Variants in NPAS3 observed in about 807,000 individuals in gnomAD.
NPAS3 encodes neuronal PAS domain-containing protein 3.
A neutral mutation model predicts 73.1 loss-of-function variants in NPAS3; 14 were observed. The observed-to-expected ratio is 0.19, with a 90% confidence interval of 0.13 to 0.30. The LOEUF is 0.30. Ranked by LOEUF, NPAS3 falls within the 10% of genes least tolerant of loss-of-function variation. The pLI is 1.00. For synonymous variants in NPAS3, 620 were observed against 541.5 expected (o/e 1.14, Z -2.01); for missense variants, 1,096 against 1,250.0 (o/e 0.88, Z 1.86).
At chr14:33,227,815 A>T (rs1331089637) in intron 3 of NPAS3, among the ~76,000 whole-genome samples, 2 of 152,230 alleles carry the variant, frequency 1.3e-5, no homozygotes, top group African/African-American at 4.8e-5. Flanking sequence ...CATGTATCCC[A>T]GGCTAGAGAA....
At chr14:33,636,853 A>G (rs1206193501) in intron 5 of NPAS3, among the ~76,000 whole-genome samples, 1 of 151,782 alleles carries the variant, frequency 6.6e-6, no homozygotes, top group Non-Finnish European at 1.5e-5. Context: ...TGGCATCTTC[A>G]TTTCCCTCCT....
intron 5 of NPAS3, among the ~76,000 whole-genome samples, chr14:33,562,591 C>A (rs111912493): frequency 6.6e-6 from 1 of 152,000 alleles, no homozygotes; most frequent in Non-Finnish European, 1.5e-5. Context: ...GTGATTTTTG[C>A]GTATACCAGT....
intron 4 of NPAS3, among the ~76,000 whole-genome samples, chr14:33,521,490 T>C (rs1485882156): frequency 2.7e-5 from 4 of 145,502 alleles, no homozygotes; most frequent in African/African-American, 7.7e-5. Context: ...ATAGAAGTGA[T>C]GATTTGGAGA....
At chr14:33,513,744 T>C (rs902590005) in intron 4 of NPAS3, among the ~76,000 whole-genome samples, 10 of 152,030 alleles carry the variant, frequency 6.6e-5, no homozygotes, top group African/African-American at 2.4e-4. Flanking sequence ...AAGTGTTTTT[T>C]TCCTTCTTGA....
chr14:33,796,730 G>A (rs1273555372), intron 10 of NPAS3, among the ~76,000 whole-genome samples: 1 of 152,152 alleles, frequency 6.6e-6, no homozygotes, highest in African/African-American at 2.4e-5. Context: ...TCTTCCAAAA[G>A]AGCCTTGTTT....
At chr14:33,422,116 A>C (rs1231729276) in intron 4 of NPAS3, among the ~76,000 whole-genome samples, 1 of 151,968 alleles carries the variant, frequency 6.6e-6, no homozygotes, top group African/African-American at 2.4e-5. Flanking sequence ...AGTTTGCATT[A>C]GTGAACCCAC....
At chr14:33,788,156 G>T (rs2063234831) in intron 9 of NPAS3, among the ~76,000 whole-genome samples, 1 of 152,170 alleles carries the variant, frequency 6.6e-6, no homozygotes, top group Non-Finnish European at 1.5e-5. Flanking sequence ...TAAGTAGAAA[G>T]TGTGATTCTA....
intron 3 of NPAS3, among the ~76,000 whole-genome samples, chr14:33,318,271 T>C (rs777446494): frequency 2.6e-5 from 4 of 152,124 alleles, no homozygotes; most frequent in African/African-American, 4.8e-5. Context: ...TGATTTTGTC[T>C]GTATAAGGGA....
intron 4 of NPAS3, among the ~76,000 whole-genome samples, chr14:33,404,093 A>C (rs2047561450): frequency 1.3e-5 from 2 of 152,174 alleles, no homozygotes; most frequent in Middle Eastern, 3.4e-3. Context: ...AAATAGTAAA[A>C]TTTTTTTGTC....
chr14:33,568,596 A>G (rs1201735720), intron 5 of NPAS3, among the ~76,000 whole-genome samples: 1 of 152,186 alleles, frequency 6.6e-6, no homozygotes, highest in Non-Finnish European at 1.5e-5. Context: ...AAATAACTTG[A>G]CCTTCTGGGA....
At chr14:33,452,849 G>A (rs1259605573) in intron 4 of NPAS3, among the ~76,000 whole-genome samples, 1 of 148,454 alleles carries the variant, frequency 6.7e-6, no homozygotes, top group Non-Finnish European at 1.5e-5. Context: ...AAGGTGGCAA[G>A]TAGCATTGAT....
At chr14:33,113,325 G>T (rs981912258) in intron 2 of NPAS3, among the ~76,000 whole-genome samples, 1 of 152,200 alleles carries the variant, frequency 6.6e-6, no homozygotes. Flanking sequence ...CCATTTGTTT[G>T]TGTCCTCTTT....
chr14:33,188,589 T>C (rs933271773), intron 2 of NPAS3, among the ~76,000 whole-genome samples: 2 of 152,194 alleles, frequency 1.3e-5, no homozygotes, highest in African/African-American at 4.8e-5. Context: ...CCCCAGTACC[T>C]ACCAGATTTT....
At chr14:33,689,511 T>C (rs902885396) in intron 6 of NPAS3, among the ~76,000 whole-genome samples, 2 of 152,154 alleles carry the variant, frequency 1.3e-5, no homozygotes, top group Non-Finnish European at 2.9e-5. Flanking sequence ...AAATTTGGGC[T>C]TCACTGACAC....
chr14:33,053,783 T>C (rs559882905), intron 1 of NPAS3, among the ~76,000 whole-genome samples: 15 of 152,258 alleles, frequency 9.9e-5, no homozygotes, highest in Admixed American at 2.6e-4. Context: ...AAAAGAGTGG[T>C]AGTCCTTCTT....
chr14:33,289,636 C>T (rs1204749703), intron 3 of NPAS3, among the ~76,000 whole-genome samples: 1 of 152,082 alleles, frequency 6.6e-6, no homozygotes, highest in African/African-American at 2.4e-5. Context: ...GCCTGGCCAA[C>T]ATGGTGAAAC....
At chr14:33,386,557 G>A (rs571899450) in intron 4 of NPAS3, among the ~76,000 whole-genome samples, 29 of 150,960 alleles carry the variant, frequency 1.9e-4, no homozygotes, top group Non-Finnish European at 4.1e-4. Flanking sequence ...GAAATCATCA[G>A]TTCCTAATGG....
chr14:33,160,786 C>CG (rs147715613), intron 2 of NPAS3, among the ~76,000 whole-genome samples: 253 of 151,388 alleles, frequency 1.7e-3, no homozygotes, highest in African/African-American at 5.9e-3. Flanking sequence ...GTGAAGTCAG[C>CG]GCTCAGTTTT....
intron 4 of NPAS3, among the ~76,000 whole-genome samples, chr14:33,379,010 C>T (rs1263452444): frequency 6.6e-6 from 1 of 152,148 alleles, no homozygotes; most frequent in South Asian, 2.1e-4. Flanking sequence ...AAATTCCACA[C>T]GTGACCTCAT....
Sources: allele counts gnomAD v4.1 joint callset (sites outside exome capture counted in the v4.1 genomes callset), GRCh38; gene constraint gnomAD v4.1.1; transcripts MANE v1.5; gene names NCBI Gene and HGNC (gene_info 2026-07-23, HGNC 2026-07-21).